Variants in SUPT3H observed in about 807,000 individuals in gnomAD.
The protein encoded by SUPT3H is transcription initiation protein SPT3 homolog.
A neutral mutation model predicts 44.3 loss-of-function variants in SUPT3H; 44 were observed. The ratio of observed to expected loss-of-function variants is 0.99; its 90% CI spans 0.78 to 1.28. The LOEUF (loss-of-function observed/expected upper bound fraction) is 1.28. SUPT3H is among the 50% of genes most tolerant of loss of function. The pLI, the probability that SUPT3H is intolerant of heterozygous loss-of-function variation, is 0.00. For missense variants in SUPT3H, 380 were observed against 387.1 expected (o/e 0.98, Z 0.15); for synonymous variants, 124 against 125.6 (o/e 0.99, Z 0.09).
At chr6:44,894,221 G>A (rs374425220) in intron 10 of SUPT3H, among the ~76,000 whole-genome samples, 2,560 of 145,500 alleles carry the variant, frequency 0.018, 54 homozygotes, top group South Asian at 0.094. Context: ...AAGCTCTTTA[G>A]TTTAATTAGA....
chr6:45,162,335 G>A (rs1451003857), intron 2 of SUPT3H, among the ~76,000 whole-genome samples: 1 of 151,912 alleles, frequency 6.6e-6, no homozygotes, highest in Non-Finnish European at 1.5e-5. Flanking sequence ...GCAGGCCTGG[G>A]CAACATAGCA....
intron 2 of SUPT3H, among the ~76,000 whole-genome samples, chr6:45,286,495 T>C (rs1779300791): frequency 6.6e-6 from 1 of 152,202 alleles, no homozygotes; most frequent in Non-Finnish European, 1.5e-5. Context: ...GAAAAAATGC[T>C]CATCATCACT....
At chr6:45,173,656 C>T (rs1007434238) in intron 2 of SUPT3H, among the ~76,000 whole-genome samples, 1 of 152,142 alleles carries the variant, frequency 6.6e-6, no homozygotes, top group Non-Finnish European at 1.5e-5. Context: ...AACTGTAAAC[C>T]ATACTCTGTC....
At chr6:45,304,030 T>A (rs529412437) in intron 2 of SUPT3H, among the ~76,000 whole-genome samples, 1 of 151,978 alleles carries the variant, frequency 6.6e-6, no homozygotes, top group African/African-American at 2.4e-5. Flanking sequence ...TTGTTGTACT[T>A]CTCTTTTAAT....
At chr6:44,960,808 C>G (rs1475839099) in intron 7 of SUPT3H, among the ~76,000 whole-genome samples, 1 of 151,308 alleles carries the variant, frequency 6.6e-6, no homozygotes, top group Non-Finnish European at 1.5e-5. Flanking sequence ...TATATTTAGT[C>G]AGAAAAAAAA....
In SUPT3H at chr6:45,377,920, G is replaced by C. The variant is rs1797050861; in HGVS notation, c.-153C>G. ...AGTGTGGAGTGTAGAAAGGGAAAAG[G>C]TGACTCGGCTGTGTGACGGGGCGAT... On this transcript the variant is annotated 5_prime_UTR_variant, in exon 1 of 11. Coordinates refer to ENST00000371459, the MANE Select transcript of SUPT3H (RefSeq NM_003599.4). 6.6e-6 allele frequency: 1 copy of C among 152,426 alleles called. No homozygotes were observed. Among genetic ancestry groups the C allele is most frequent in the Admixed American group, 6.6e-5 (1 of 15,258 alleles). 9.4% of individuals were successfully genotyped at this position (152,426 alleles called of 1,614,324 possible). A position where few individuals can be genotyped will look rare whatever the true frequency, so the allele number is the denominator to read the frequency against.
chr6:45,262,239 G>T (rs772606816), intron 2 of SUPT3H, among the ~76,000 whole-genome samples: 6 of 151,722 alleles, frequency 4.0e-5, no homozygotes, highest in Non-Finnish European at 4.4e-5. Flanking sequence ...AATTCTTATG[G>T]AACCAAAAAA....
At chr6:45,014,926 CTATACA>C (rs1279761515) in intron 4 of SUPT3H, 35 bp from the exon 5 acceptor site, 6 of 1,302,458 alleles carry the variant, frequency 4.6e-6, no homozygotes, top group Middle Eastern at 2.7e-4. Context: ...ATAAGAAAAC[CTATACA>C]TATATTCACT....
At chr6:45,281,613 C>T (rs1051189629) in intron 2 of SUPT3H, among the ~76,000 whole-genome samples, 10 of 152,162 alleles carry the variant, frequency 6.6e-5, no homozygotes, top group Non-Finnish European at 1.5e-4. Context: ...CTGGATGGAG[C>T]CCAGCACAGC....
intron 1 of SUPT3H, among the ~76,000 whole-genome samples, chr6:45,375,549 A>AT (rs898959790): frequency 0.022 from 3,305 of 147,962 alleles, 118 homozygotes; most frequent in African/African-American, 0.076. Flanking sequence ...CAAGAGCATC[A>AT]TTTTTTTTTT....
intron 2 of SUPT3H, among the ~76,000 whole-genome samples, chr6:45,176,114 G>A (rs1446974882): frequency 1.3e-5 from 2 of 152,078 alleles, no homozygotes; most frequent in African/African-American, 4.8e-5. Flanking sequence ...ACAGCTCCCA[G>A]CGTGAGCGAC....
intron 2 of SUPT3H, among the ~76,000 whole-genome samples, chr6:45,175,200 T>C (rs1233423440): frequency 6.6e-6 from 1 of 152,088 alleles, no homozygotes; most frequent in Non-Finnish European, 1.5e-5. Context: ...TGTGTGCACA[T>C]ATAATCTTTT....
chr6:45,343,292 G>A (rs780380670), intron 2 of SUPT3H, among the ~76,000 whole-genome samples: 5 of 152,056 alleles, frequency 3.3e-5, no homozygotes, highest in Non-Finnish European at 7.4e-5. Context: ...GGCAGACCAA[G>A]AAGATCAAGA....
At chr6:45,031,574 G>C (rs144907229) in intron 3 of SUPT3H, among the ~76,000 whole-genome samples, 2,679 of 152,262 alleles carry the variant, frequency 0.018, 53 homozygotes, top group South Asian at 0.086. Context: ...GTTTTTAACA[G>C]AATAGCTGAT....
intron 6 of SUPT3H, among the ~76,000 whole-genome samples, chr6:45,002,461 T>C (rs779861660): frequency 6.6e-6 from 1 of 152,070 alleles, no homozygotes; most frequent in Non-Finnish European, 1.5e-5. Flanking sequence ...TCAGTGGCCA[T>C]TTTTATAATA....
chr6:45,344,945 C>T (rs1387511287), intron 2 of SUPT3H, among the ~76,000 whole-genome samples: 2 of 152,122 alleles, frequency 1.3e-5, no homozygotes, highest in Non-Finnish European at 2.9e-5. Flanking sequence ...ATGGACTATG[C>T]TCTGAAGCCA....
intron 2 of SUPT3H, among the ~76,000 whole-genome samples, chr6:45,351,776 T>G (rs1164047714): frequency 1.3e-5 from 2 of 152,156 alleles, no homozygotes; most frequent in African/African-American, 2.4e-5. Context: ...AATAGCCTTC[T>G]GCCACATCTG....
chr6:45,301,306 G>C (rs187338585), intron 2 of SUPT3H, among the ~76,000 whole-genome samples: 2 of 152,310 alleles, frequency 1.3e-5, no homozygotes, highest in East Asian at 3.9e-4. Context: ...ATTGGAACTT[G>C]AAACTTATTC....
rs1358503809 is a variant in SUPT3H at position 45,130,712 on chromosome 6, C to CATTT, written c.102-24707_102-24706insAAAT. Among the ~76,000 whole-genome samples the CATTT allele has an allele frequency of 3.8e-4, 34 of 88,604 alleles. 3 individuals are homozygous for CATTT. The highest frequency in any genetic ancestry group is 2.0e-3 in the East Asian group (8 of 4,020). 58.1% of individuals were successfully genotyped at this position (88,604 alleles called of 152,430 possible). On this transcript the variant is annotated intron_variant, in intron 2 of 10. Transcript: ENST00000371459. ...AAAAAAAAAACAAAAAAAAAAACCACTTTTTTTTTTTTTTTTTTTTTTCAG... is the reference window on the plus strand; with the variant it reads ...AAAAAAAAAACAAAAAAAAAAACCACATTTTTTTTTTTTTTTTTTTTTTTTTCAG...
Sources: gnomAD v4.1 joint callset for allele counts (sites outside exome capture counted in the v4.1 genomes callset) on GRCh38, gnomAD v4.1.1 for gene constraint, MANE v1.5 for transcripts, NCBI Gene and HGNC (gene_info 2026-07-23, HGNC 2026-07-21) for gene names.